Variants in C6 observed in about 807,000 individuals in gnomAD.
The protein encoded by C6 is complement C6.
A neutral mutation model predicts 112.9 loss-of-function variants in C6; 101 were observed. The observed-to-expected ratio is 0.89, with a 90% CI of 0.76 to 1.06. The LOEUF is 1.06. Ranked by LOEUF, C6 falls within the 50% of genes least tolerant of loss-of-function variation. C6 has a pLI of 0.00. For synonymous variants in C6, 431 were observed against 384.1 expected (o/e 1.12, Z -1.43); for missense variants, 1,202 against 1,104.6 (o/e 1.09, Z -1.25).
chr5:41,142,914 C>T lies in C6; in HGVS notation c.2716G>A (p.Glu906Lys). ...ACTTCACAGATGTTCAATGTTTTCT[C>T]ACTTGTTGATGATCCCATTTTGACA... Reference protein sequence around the residue: ...YCVKMGSSTSEKTLNICEVGT... With the variant: ...YCVKMGSSTSKKTLNICEVGT... The change falls in exon 18 of 18, where the codon GAG becomes AAG. Residue 906 changes from glutamate to lysine, a missense_variant. Glu to Lys is a moderately conservative substitution (Grantham distance 56). Coordinates refer to ENST00000337836, the MANE Select transcript of C6 (RefSeq NM_000065.5). The T allele has an allele frequency of 6.2e-7, 1 of 1,613,612 alleles. No individual in the cohort carries two copies. Among genetic ancestry groups the T allele is most frequent in the Non-Finnish European group, 8.5e-7 (1 of 1,179,692 alleles).
chr5:41,188,468 C>A (rs1272660213), intron 5 of C6, among the ~76,000 whole-genome samples: 1 of 151,558 alleles, frequency 6.6e-6, no homozygotes, highest in Admixed American at 6.6e-5. Flanking sequence ...GAAATAAACC[C>A]ATACATCTAT....
intron 5 of C6, among the ~76,000 whole-genome samples, chr5:41,193,795 A>ATTTTTTTT (rs11460725): frequency 7.3e-6 from 1 of 137,418 alleles, no homozygotes. Context: ...TCAGGAAGCT[A>ATTTTTTTT]TTTTTTTTTT....
At chr5:41,157,678 C>T (rs547091613) in intron 13 of C6, among the ~76,000 whole-genome samples, 51 of 152,198 alleles carry the variant, frequency 3.4e-4, no homozygotes, top group Non-Finnish European at 5.9e-5. Context: ...ATCCATATTA[C>T]CTAGGAATGT....
intron 1 of C6, among the ~76,000 whole-genome samples, chr5:41,241,350 T>C (rs1740700507): frequency 1.3e-5 from 2 of 152,178 alleles, no homozygotes; most frequent in Non-Finnish European, 1.5e-5. Context: ...TATGAGCTTA[T>C]ATAAGCTGGC....
At chr5:41,226,361 A>C (rs1226208373) in intron 1 of C6, among the ~76,000 whole-genome samples, 1 of 152,208 alleles carries the variant, frequency 6.6e-6, no homozygotes, top group Non-Finnish European at 1.5e-5. Context: ...AATGCTCATC[A>C]TCACTGGCCA....
In C6 at chr5:41,144,940, A is replaced by G. The variant is rs60169663; in HGVS notation, c.2624-1934T>C. On this transcript the variant is annotated intron_variant, in intron 17 of 17. Coordinates refer to ENST00000337836, the MANE Select transcript of C6 (RefSeq NM_000065.5). ...TCATTGTTTTTTATGGCTGCATAGC[A>G]TTCCATGGTATATTTGTACCACATT... Among the ~76,000 whole-genome samples the G allele has an allele frequency of 6.3e-3, 962 of 152,320 alleles. 10 individuals carry two copies. Among genetic ancestry groups the G allele is most frequent in the African/African-American group, 0.022 (904 of 41,566 alleles).
Position 41,179,258 on chromosome 5 carries a change from A to G in C6, c.927+2101T>C, listed in dbSNP as rs1402431824. ...AAATTTTTTAACTTTGGGACAGACTATTAGGAGATCAAACAATAGCTGTTT... is the reference window on the plus strand; with the variant it reads ...AAATTTTTTAACTTTGGGACAGACTGTTAGGAGATCAAACAATAGCTGTTT... On this transcript the variant is annotated intron_variant, in intron 7 of 17. Transcript: ENST00000337836. 2.0e-5 allele frequency among the ~76,000 whole-genome samples: 3 copies of G among 152,342 alleles called. No homozygotes were observed. The East Asian group carries it at 5.8e-4, about 29-fold the overall frequency.
chr5:41,251,880 A>G (rs1741384874), intron 1 of C6, among the ~76,000 whole-genome samples: 1 of 152,214 alleles, frequency 6.6e-6, no homozygotes, highest in Non-Finnish European at 1.5e-5. Context: ...ACATGAAGCA[A>G]AAAGCAAGTA....
At chr5:41,216,135 TCTC>T (rs1210972735), upstream of C6, among the ~76,000 whole-genome samples, 4 of 152,176 alleles carry the variant, frequency 2.6e-5, no homozygotes, top group African/African-American at 7.2e-5. Flanking sequence ...CTTTGTGTCT[TCTC>T]TTTCCTACTA....
At chr5:41,172,379 A>G in intron 8 of C6, 32 bp from the exon 9 acceptor site, 1 of 1,610,500 alleles carries the variant, frequency 6.2e-7, no homozygotes, top group South Asian at 1.1e-5. Context: ...GAAACCACTG[A>G]GAATGCACCA....
At chr5:41,234,720 G>A (rs1460071307) in intron 1 of C6, among the ~76,000 whole-genome samples, 1 of 152,016 alleles carries the variant, frequency 6.6e-6, no homozygotes, top group South Asian at 2.1e-4. Context: ...TGACTACAAG[G>A]GAATACAATT....
At chr5:41,164,351 A>G (rs1212356282) in intron 9 of C6, among the ~76,000 whole-genome samples, 1 of 152,164 alleles carries the variant, frequency 6.6e-6, no homozygotes, top group African/African-American at 2.4e-5. Context: ...TGGCCCTAAT[A>G]TTAGGGAGAC....
At chr5:41,206,518 G>C (rs1198708666) in intron 1 of C6, among the ~76,000 whole-genome samples, 1 of 152,180 alleles carries the variant, frequency 6.6e-6, no homozygotes, top group African/African-American at 2.4e-5. Flanking sequence ...AAACAGCATA[G>C]AGAAGACCTT....
intron 6 of C6, among the ~76,000 whole-genome samples, chr5:41,182,260 C>A (rs1240121963): frequency 1.3e-5 from 2 of 151,050 alleles, no homozygotes; most frequent in Non-Finnish European, 2.9e-5. Flanking sequence ...CACTTCCCCC[C>A]GCCCCTTTTT....
At chr5:41,210,517 A>C (rs905244468) in intron 1 of C6, among the ~76,000 whole-genome samples, 3 of 152,242 alleles carry the variant, frequency 2.0e-5, no homozygotes, top group Non-Finnish European at 2.9e-5. Flanking sequence ...AAACAAATTT[A>C]CAAGAAAAAA....
chr5:41,174,453 C>A (rs1039341841), intron 8 of C6, among the ~76,000 whole-genome samples: 6 of 152,090 alleles, frequency 3.9e-5, no homozygotes, highest in African/African-American at 1.4e-4. Flanking sequence ...AATTTTTAAC[C>A]TCCAATTCAG....
rs1747376188 is a variant in C6 at position 41,160,423 on chromosome 5, C to CCA, written c.1459-58_1459-57dup. On this transcript the variant is annotated intron_variant, in intron 10 of 17. Coordinates refer to ENST00000337836, the MANE Select transcript of C6 (RefSeq NM_000065.5). ...TCACATCCCCTTTGGTAATAGGTTG[C>CCA]CATTACTGCCCAGTTCTCTGAAATG... is the stretch of plus-strand genomic sequence containing the variant. 4 of 1,297,408 alleles carry CCA rather than the reference C, an allele frequency of 3.1e-6. No individual in the cohort carries two copies. In the East Asian group the frequency reaches 9.3e-5, roughly 30 times the overall value. The allele number at this position is 1,297,408 out of a possible 1,614,324, so 80.4% of individuals were successfully genotyped here.
rs777718047 is a variant in C6 at position 41,213,389 on chromosome 5, T to C, written c.-34A>G. The stretch of plus-strand genomic sequence containing the variant: ...CATATTACTCACCTTTAAGCAGAGT[T>C]TGTGGTGTCCTCGGACCTAAGCTGC... On this transcript the variant is annotated 5_prime_UTR_variant, in exon 1 of 18. Coordinates refer to ENST00000337836, the MANE Select transcript of C6 (RefSeq NM_000065.5). 80 of 984,364 alleles carry C rather than the reference T, an allele frequency of 8.1e-5. No homozygotes were observed. The highest frequency in any genetic ancestry group is 9.5e-5 in the Non-Finnish European group (79 of 829,142). The allele number at this position is 984,364 out of a possible 1,614,324, so 61.0% of individuals were successfully genotyped here.
At chr5:41,155,743 AAAAC>A (rs1271380960) in intron 13 of C6, among the ~76,000 whole-genome samples, 3 of 152,092 alleles carry the variant, frequency 2.0e-5, no homozygotes, top group African/African-American at 4.8e-5. Flanking sequence ...CAAAAACCAA[AAAAC>A]AAACAAACAA....
Sources: allele counts gnomAD v4.1 joint callset (sites outside exome capture counted in the v4.1 genomes callset), GRCh38; gene constraint gnomAD v4.1.1; transcripts MANE v1.5; gene names NCBI Gene and HGNC (gene_info 2026-07-23, HGNC 2026-07-21).